The following PRDM16 variants were observed in gnomAD, a reference collection of about 807,000 sequenced individuals.
PRDM16 encodes the protein PR/SET domain 16.
PRDM16 carries 23 observed loss-of-function variants against 110.6 expected under a neutral mutation model. The ratio of observed to expected loss-of-function variants is 0.21; its 90% CI spans 0.15 to 0.29. PRDM16 has a LOEUF of 0.29. Ranked by LOEUF, PRDM16 falls within the 10% of genes least tolerant of loss-of-function variation. The probability of loss-of-function intolerance (pLI) is 1.00; values close to 1 mark genes in which losing one functional copy is unlikely to be tolerated. For missense variants in PRDM16, 1,615 were observed against 1,794.3 expected (o/e 0.90, Z 1.81); for synonymous variants, 799 against 781.8 (o/e 1.02, Z -0.37).
chr1:3,166,875 C>G (rs1053515872), intron 1 of PRDM16, among the ~76,000 whole-genome samples: 1 of 152,072 alleles, frequency 6.6e-6, no homozygotes, highest in African/African-American at 2.4e-5. Flanking sequence ...TTCAATTGCT[C>G]TGTCCTCACG....
rs1644072946 is a variant in PRDM16, at chr1:3,175,379, C to T, written c.38-10746C>T. Among the ~76,000 whole-genome samples the T allele has an allele frequency of 1.3e-5, 2 of 152,146 alleles. No individual in the cohort carries two copies. The highest frequency in any genetic ancestry group is 4.8e-5 in the African/African-American group (2 of 41,414). The stretch of plus-strand genomic sequence containing the variant: ...CACCCTATTTTTTCTCTAGAAGTTG[C>T]CTCCGTGCGTGCCTGCTCTCCCCGA... On this transcript the variant is annotated intron_variant, in intron 1 of 16. Coordinates refer to ENST00000270722, the MANE Select transcript of PRDM16 (RefSeq NM_022114.4). The surrounding 1 kb of genome is among the most constrained non-coding windows in gnomAD (Gnocchi z 4.8).
chr1:3,101,497 G>C (rs1357000888), intron 1 of PRDM16, among the ~76,000 whole-genome samples: 1 of 152,248 alleles, frequency 6.6e-6, no homozygotes, highest in South Asian at 2.1e-4. Flanking sequence ...GACAGGCTGG[G>C]GGAGCGGCGG....
Position 3,243,488 on chromosome 1 carries a change from G to T in PRDM16, c.388-599G>T, listed in dbSNP as rs577047907. ...CCGACCTCTGCCCCTGCCTCTGGCC[G>T]CCCGCCGCTGTCTCCTGGGACCGCT... On this transcript the variant is annotated intron_variant, in intron 2 of 16. Transcript: ENST00000270722. The surrounding 1 kb of genome is among the most constrained non-coding windows in gnomAD (Gnocchi z 5.5). 6.6e-6 allele frequency among the ~76,000 whole-genome samples: 1 copy of T among 151,962 alleles called. No individual in the cohort carries two copies. Among genetic ancestry groups the T allele is most frequent in the Non-Finnish European group, 1.5e-5 (1 of 67,982 alleles).
intron 1 of PRDM16, among the ~76,000 whole-genome samples, chr1:3,095,130 G>A (rs1019867071): frequency 5.9e-5 from 9 of 152,208 alleles, no homozygotes; most frequent in African/African-American, 2.2e-4. Flanking sequence ...CTGCCCACCT[G>A]CCTGTGATGA....
chr1:3,112,045 T>C (rs567311022), intron 1 of PRDM16, among the ~76,000 whole-genome samples: 43 of 152,166 alleles, frequency 2.8e-4, no homozygotes, highest in Non-Finnish European at 5.9e-4. Context: ...TAAGATCTTA[T>C]CTAGGTGGGA....
At chr1:3,374,681 T>G (rs1476814280) in intron 3 of PRDM16, among the ~76,000 whole-genome samples, 1 of 152,154 alleles carries the variant, frequency 6.6e-6, no homozygotes, top group African/African-American at 2.4e-5. Context: ...AGAGGCATTC[T>G]CTAAGGCAGA....
At chr1:3,232,898 C>T (rs997323806) in intron 2 of PRDM16, among the ~76,000 whole-genome samples, 1 of 152,098 alleles carries the variant, frequency 6.6e-6, no homozygotes, top group Non-Finnish European at 1.5e-5. Context: ...GGCGCTGTTA[C>T]CAGGAGATCT....
chr1:3,194,857 C>T (rs1186564418), intron 2 of PRDM16, among the ~76,000 whole-genome samples: 2 of 152,226 alleles, frequency 1.3e-5, no homozygotes, highest in African/African-American at 2.4e-5. Flanking sequence ...GCTCCACTGC[C>T]CACACCACCC....
At chr1:3,391,620 G>A (rs1004501282) in intron 4 of PRDM16, among the ~76,000 whole-genome samples, 1 of 152,168 alleles carries the variant, frequency 6.6e-6, no homozygotes, top group Non-Finnish European at 1.5e-5. Flanking sequence ...ACGGCATATC[G>A]CACACCACAC....
chr1:3,252,280 G>A (rs777352602), intron 3 of PRDM16, among the ~76,000 whole-genome samples: 14 of 152,238 alleles, frequency 9.2e-5, no homozygotes, highest in Admixed American at 2.0e-4. Flanking sequence ...TGCATGCCCA[G>A]CGGTGTCCCT....
chr1:3,181,231 C>CGGCCTTACGCAT (rs1491501553), intron 1 of PRDM16, among the ~76,000 whole-genome samples: 12 of 132,848 alleles, frequency 9.0e-5, no homozygotes, highest in Admixed American at 1.5e-4. Context: ...GTCTTACACA[C>CGGCCTTACGCAT]GGTCTTACAC....
Position 3,370,696 on chromosome 1 carries a change from T to C in PRDM16, c.439-14456T>C, listed in dbSNP as rs369878467. On this transcript the variant is annotated intron_variant, in intron 3 of 16. Transcript: ENST00000270722. This position sits in a 1 kb window ranked among gnomAD's most constrained non-coding sequence, Gnocchi z 4.8. ...AGAGGTGTCCTGTGCTCTGCCACCA[T>C]GACAACTCCTGGAATGGTGTTCCCT... Among the ~76,000 whole-genome samples, 12 of 152,288 alleles carry C rather than the reference T, an allele frequency of 7.9e-5. 1 individual carries two copies. The highest frequency in any genetic ancestry group is 2.9e-4 in the African/African-American group (12 of 41,556).
chr1:3,140,686 C>T (rs953482225), intron 1 of PRDM16, among the ~76,000 whole-genome samples: 3 of 152,344 alleles, frequency 2.0e-5, no homozygotes, highest in African/African-American at 7.2e-5. Context: ...TCCTAGAAGG[C>T]GTATGGGGGG....
chr1:3,149,493 G>A (rs1036442886), intron 1 of PRDM16, among the ~76,000 whole-genome samples: 1 of 152,270 alleles, frequency 6.6e-6, no homozygotes, highest in Admixed American at 6.5e-5. Context: ...CCTGGCTGAG[G>A]ACGTCAGTCT....
intron 8 of PRDM16, among the ~76,000 whole-genome samples, chr1:3,409,029 GT>G (rs1345288328): frequency 1.3e-5 from 2 of 151,190 alleles, no homozygotes; most frequent in Admixed American, 1.3e-4. Context: ...GTCAGTGTGT[GT>G]GAGTGTGGGC....
At chr1:3,417,581 G>C (rs1477762440) in intron 10 of PRDM16, among the ~76,000 whole-genome samples, 1 of 152,200 alleles carries the variant, frequency 6.6e-6, no homozygotes, top group Non-Finnish European at 1.5e-5. Flanking sequence ...ATCAGTTTCA[G>C]CTCCTGCAGG....
In PRDM16 at chr1:3,396,491, A is replaced by C; in HGVS notation, c.574A>C (p.Ile192Leu). 1 of 1,560,208 alleles carries C rather than the reference A, an allele frequency of 6.4e-7. No homozygotes were observed. ...NLTMCQISEQ[I>L]YYKVIKDIEP... is the part of the protein sequence containing the mutation. ...TTTCTCTCTGGTCTCTCCATCCTAG[A>C]TTTACTATAAAGTCATTAAGGACAT... is the stretch of plus-strand genomic sequence containing the variant. Residue 192 changes from isoleucine to leucine, a missense_variant and splice_region_variant, in exon 5 of 17, where the codon ATT becomes CTT. By Grantham distance (5) the Ile-to-Leu change is conservative. Coordinates refer to ENST00000270722, the MANE Select transcript of PRDM16 (RefSeq NM_022114.4).
At chr1:3,391,258 T>C (rs1208877129) in intron 4 of PRDM16, among the ~76,000 whole-genome samples, 1 of 152,166 alleles carries the variant, frequency 6.6e-6, no homozygotes, top group East Asian at 1.9e-4. Context: ...AGGGGGCTCC[T>C]TCGGTATTTC....
chr1:3,348,191 G>T (rs1424714391), intron 3 of PRDM16, among the ~76,000 whole-genome samples: 5 of 152,194 alleles, frequency 3.3e-5, no homozygotes, highest in Admixed American at 6.5e-5. Context: ...AGCCCTCTGG[G>T]CCCCTGAACA....
Sources: allele counts gnomAD v4.1 joint callset (sites outside exome capture counted in the v4.1 genomes callset), GRCh38; gene constraint gnomAD v4.1.1; non-coding constraint Gnocchi (gnomAD v3.1); transcripts MANE v1.5; gene names NCBI Gene and HGNC (gene_info 2026-07-23, HGNC 2026-07-21).